The following ZRANB3 variants were observed in gnomAD, a reference collection of about 807,000 sequenced individuals.
The protein encoded by ZRANB3 is zinc finger RANBP2-type containing 3, also known as DNA annealing helicase and endonuclease ZRANB3.
In ZRANB3, 125 loss-of-function variants were observed where a neutral mutation model predicts 133.8. The ratio of observed to expected loss-of-function variants is 0.93; its 90% CI spans 0.81 to 1.08. The LOEUF (loss-of-function observed/expected upper bound fraction) is 1.08, where lower values mean the gene tolerates loss of function less well. Among genes scored for constraint, ZRANB3 ranks in the 50% least tolerant of loss-of-function variants. The pLI is 0.00. For synonymous variants in ZRANB3, 387 were observed against 432.7 expected (o/e 0.89, Z 1.31); for missense variants, 1,229 against 1,275.5 (o/e 0.96, Z 0.56).
intron 8 of ZRANB3, among the ~76,000 whole-genome samples, chr2:135,286,978 G>A (rs1249329375): frequency 6.6e-6 from 1 of 152,106 alleles, no homozygotes. Flanking sequence ...TGGGTTCTTG[G>A]TCATGAACTC....
intron 2 of ZRANB3, among the ~76,000 whole-genome samples, chr2:135,403,316 T>A (rs1311366135): frequency 6.6e-6 from 1 of 152,200 alleles, no homozygotes; most frequent in Non-Finnish European, 1.5e-5. Flanking sequence ...ATCCCGCACC[T>A]GGCTCGGAGG....
intron 2 of ZRANB3, among the ~76,000 whole-genome samples, chr2:135,405,114 G>A (rs956086365): frequency 3.3e-5 from 5 of 152,030 alleles, no homozygotes; most frequent in Non-Finnish European, 5.9e-5. Context: ...AAAATAAAGG[G>A]ATGGAGGAAG....
At chr2:135,258,611 C>T (rs532065104) in intron 12 of ZRANB3, among the ~76,000 whole-genome samples, 7 of 152,280 alleles carry the variant, frequency 4.6e-5, no homozygotes, top group African/African-American at 9.6e-5. Flanking sequence ...TACAACACTA[C>T]GACATAGACA....
intron 6 of ZRANB3, among the ~76,000 whole-genome samples, chr2:135,324,139 G>C (rs1414403872): frequency 6.6e-6 from 1 of 151,712 alleles, no homozygotes; most frequent in Admixed American, 6.6e-5. Flanking sequence ...GTGGAGGTTT[G>C]TTACATATGT....
chr2:135,313,670 C>T (rs1683111647), intron 7 of ZRANB3, 65 bp from the exon 8 acceptor site: 1 of 975,802 alleles, frequency 1.0e-6, no homozygotes, highest in South Asian at 1.8e-5. Context: ...TTAATGCAAT[C>T]ATGAATCATG....
At chr2:135,235,520 T>C (rs1189517515) in intron 12 of ZRANB3, among the ~76,000 whole-genome samples, 4 of 152,124 alleles carry the variant, frequency 2.6e-5, no homozygotes, top group Admixed American at 6.5e-5. Flanking sequence ...CTGATGAACA[T>C]TGATGCAAAA....
At chr2:135,313,099 C>A (rs1455782239) in intron 8 of ZRANB3, among the ~76,000 whole-genome samples, 1 of 150,550 alleles carries the variant, frequency 6.6e-6, no homozygotes, top group African/African-American at 2.4e-5. Flanking sequence ...AGTATCCTCC[C>A]GCATCAAAAT....
chr2:135,419,635 C>A (rs544641150), intron 2 of ZRANB3, among the ~76,000 whole-genome samples: 1 of 150,992 alleles, frequency 6.6e-6, no homozygotes, highest in Non-Finnish European at 1.5e-5. Flanking sequence ...TCCTTGGCCA[C>A]GGGAATCAGT....
At chr2:135,271,539 T>C (rs535613559) in intron 10 of ZRANB3, 2 of 579,658 alleles carry the variant, frequency 3.5e-6, no homozygotes. Flanking sequence ...TCTTTGAAAG[T>C]ATATTCTTTC....
In ZRANB3 at chr2:135,369,837, C is replaced by T. The variant is rs570267588; in HGVS notation, c.181-16209G>A. Among the ~76,000 whole-genome samples, 29 of 152,170 alleles carry T rather than the reference C, an allele frequency of 1.9e-4. 1 individual carries two copies. Among genetic ancestry groups the T allele is most frequent in the African/African-American group, 6.5e-4 (27 of 41,514 alleles). The stretch of plus-strand genomic sequence containing the variant: ...TTTTCTACTTATTTCTTTTACAAGA[C>T]CCACTTCCAATCTACCTCCTCCACA... On this transcript the variant is annotated intron_variant, in intron 3 of 20. Coordinates refer to ENST00000264159, the MANE Select transcript of ZRANB3 (RefSeq NM_032143.4).
intron 2 of ZRANB3, among the ~76,000 whole-genome samples, chr2:135,498,786 G>C (rs1482917818): frequency 6.6e-6 from 1 of 152,144 alleles, no homozygotes; most frequent in Non-Finnish European, 1.5e-5. Context: ...TACGGTTGTA[G>C]ATAAGGGATG....
intron 12 of ZRANB3, among the ~76,000 whole-genome samples, chr2:135,244,610 A>G (rs1224435930): frequency 6.6e-6 from 1 of 150,652 alleles, no homozygotes; most frequent in East Asian, 1.9e-4. Context: ...CCATCTCAAA[A>G]ATAAATAAAT....
intron 20 of ZRANB3, among the ~76,000 whole-genome samples, chr2:135,200,719 T>G (rs1227791324): frequency 6.6e-6 from 1 of 150,936 alleles, no homozygotes; most frequent in Non-Finnish European, 1.5e-5. Flanking sequence ...ATTTGGAGAC[T>G]AGGAAGGCCC....
At chr2:135,500,997 T>C (rs1692917058) in intron 2 of ZRANB3, among the ~76,000 whole-genome samples, 1 of 151,982 alleles carries the variant, frequency 6.6e-6, no homozygotes, top group South Asian at 2.1e-4. Flanking sequence ...GAAGAGGGAA[T>C]AGCTGAGAAT....
At chr2:135,389,613 G>A (rs1353837968) in intron 3 of ZRANB3, among the ~76,000 whole-genome samples, 1 of 152,020 alleles carries the variant, frequency 6.6e-6, no homozygotes, top group Non-Finnish European at 1.5e-5. Flanking sequence ...GCTGAGGCAA[G>A]AGAATTGCTT....
intron 12 of ZRANB3, among the ~76,000 whole-genome samples, chr2:135,253,672 C>A (rs1679512282): frequency 6.6e-6 from 1 of 152,156 alleles, no homozygotes; most frequent in Non-Finnish European, 1.5e-5. Flanking sequence ...ATTTGTGTAT[C>A]TAAACATAGA....
chr2:135,507,110 T>C (rs903345773), intron 1 of ZRANB3, among the ~76,000 whole-genome samples: 16 of 152,192 alleles, frequency 1.1e-4, no homozygotes, highest in African/African-American at 3.6e-4. Context: ...ATATCAGAGG[T>C]AAAGCAAACA....
chr2:135,373,657 G>C (rs1240035981), intron 3 of ZRANB3, among the ~76,000 whole-genome samples: 2 of 151,818 alleles, frequency 1.3e-5, no homozygotes, highest in Non-Finnish European at 2.9e-5. Flanking sequence ...GTGTAATGGT[G>C]CATGCCTGTA....
At chr2:135,375,020 A>G (rs1347211295) in intron 3 of ZRANB3, among the ~76,000 whole-genome samples, 1 of 152,194 alleles carries the variant, frequency 6.6e-6, no homozygotes, top group Non-Finnish European at 1.5e-5. Context: ...CATACATTAG[A>G]ATAGCTAAAA....
Sources: allele counts gnomAD v4.1 joint callset (sites outside exome capture counted in the v4.1 genomes callset), GRCh38; gene constraint gnomAD v4.1.1; transcripts MANE v1.5; gene names NCBI Gene and HGNC (gene_info 2026-07-23, HGNC 2026-07-21).